C8orf34: variants seen among roughly 807,000 people sequenced by gnomAD.
The protein encoded by C8orf34 is uncharacterized protein C8orf34.
A neutral mutation model predicts 68.3 loss-of-function variants in C8orf34; 65 were observed. The ratio of observed to expected loss-of-function variants is 0.95; its 90% CI spans 0.78 to 1.17. The LOEUF (loss-of-function observed/expected upper bound fraction) is 1.17, where lower values mean the gene tolerates loss of function less well. C8orf34 is among the 50% of genes most tolerant of loss of function. The pLI, the probability that C8orf34 is intolerant of heterozygous loss-of-function variation, is 0.00. For missense variants in C8orf34, 664 were observed against 655.4 expected (o/e 1.01, Z -0.14); for synonymous variants, 244 against 241.2 (o/e 1.01, Z -0.11).
At chr8:68,451,842 G>A (rs1009670801) in intron 3 of C8orf34, among the ~76,000 whole-genome samples, 2 of 151,968 alleles carry the variant, frequency 1.3e-5, no homozygotes, top group African/African-American at 4.8e-5. Flanking sequence ...TGATAGACTT[G>A]TTCAATGCAG....
At chr8:68,407,020 C>A (rs536029401) in intron 1 of C8orf34, among the ~76,000 whole-genome samples, 1 of 152,092 alleles carries the variant, frequency 6.6e-6, no homozygotes, top group Non-Finnish European at 1.5e-5. Flanking sequence ...ATGAGCTACA[C>A]GCATACGATC....
At chr8:68,513,659 T>C (rs904195899) in intron 5 of C8orf34, among the ~76,000 whole-genome samples, 1 of 152,250 alleles carries the variant, frequency 6.6e-6, no homozygotes, top group Non-Finnish European at 1.5e-5. Context: ...TTTATTCTTA[T>C]GCAAGTGGTT....
intron 5 of C8orf34, among the ~76,000 whole-genome samples, chr8:68,501,817 A>G (rs1383967957): frequency 1.3e-5 from 2 of 152,170 alleles, no homozygotes; most frequent in Admixed American, 6.5e-5. Flanking sequence ...GAATATAATC[A>G]TCAATAGGAA....
chr8:68,468,536 A>G (rs182527733), intron 3 of C8orf34, among the ~76,000 whole-genome samples, 156 bp from the exon 4 acceptor site: 12 of 152,132 alleles, frequency 7.9e-5, no homozygotes, highest in Non-Finnish European at 1.5e-5. Context: ...CTGGCTTCAT[A>G]TCTTCCCCTC....
chr8:68,736,263 GT>G (rs1010321227), intron 10 of C8orf34, among the ~76,000 whole-genome samples: 1 of 152,046 alleles, frequency 6.6e-6, no homozygotes, highest in African/African-American at 2.4e-5. Context: ...TCTGTGGCTG[GT>G]TTTCAAAAAT....
intron 7 of C8orf34, among the ~76,000 whole-genome samples, chr8:68,560,625 A>G (rs981137939): frequency 6.6e-6 from 1 of 152,206 alleles, no homozygotes; most frequent in Non-Finnish European, 1.5e-5. Flanking sequence ...ACAACATGTT[A>G]TTCTACTGAA....
chr8:68,815,294 T>G (rs1824775372), intron 12 of C8orf34, among the ~76,000 whole-genome samples: 1 of 152,142 alleles, frequency 6.6e-6, no homozygotes, highest in Admixed American at 6.6e-5. Flanking sequence ...GGAATCACAT[T>G]TAGCCTATAA....
chr8:68,563,088 A>G (rs1392340509), intron 7 of C8orf34, among the ~76,000 whole-genome samples: 1 of 152,094 alleles, frequency 6.6e-6, no homozygotes, highest in African/African-American at 2.4e-5. Context: ...TCCTTATTCT[A>G]CCACCATTAA....
intron 8 of C8orf34, among the ~76,000 whole-genome samples, chr8:68,663,497 G>A (rs1417915943): frequency 2.6e-5 from 4 of 152,206 alleles, no homozygotes; most frequent in Admixed American, 2.6e-4. Context: ...AAATCCAGTG[G>A]AGTCCACCAG....
rs1306059203 is a variant in C8orf34, at chr8:68,331,324, C to A, written c.312C>A (p.Ile104=). ...RIQAYLEKNK[I]GPLFEELMTK... ...AGGCTTACCTGGAGAAGAACAAGAT[C>A]GGTCCCCTGTTTGAGGTAAGGCGCT... The change falls in exon 1 of 14, where the codon ATC becomes ATA. Residue 104 remains isoleucine, a synonymous_variant. Transcript: ENST00000518698. The A allele has an allele frequency of 1.3e-6, 2 of 1,536,478 alleles. No individual in the cohort carries two copies. Among genetic ancestry groups the A allele is most frequent in the Non-Finnish European group, 1.7e-6 (2 of 1,146,998 alleles).
chr8:68,468,307 A>G (rs1402517456), intron 3 of C8orf34, among the ~76,000 whole-genome samples: 1 of 152,092 alleles, frequency 6.6e-6, no homozygotes, highest in Non-Finnish European at 1.5e-5. Context: ...TTAGCCTTCT[A>G]TGAATGTCCT....
chr8:68,595,553 T>C (rs1817523907), intron 7 of C8orf34, among the ~76,000 whole-genome samples: 1 of 152,028 alleles, frequency 6.6e-6, no homozygotes, highest in African/African-American at 2.4e-5. Flanking sequence ...TTCTGGGATG[T>C]GGGGGGAATT....
chr8:68,487,045 A>T (rs1218656234), intron 4 of C8orf34, among the ~76,000 whole-genome samples: 1 of 152,188 alleles, frequency 6.6e-6, no homozygotes, highest in African/African-American at 2.4e-5. Context: ...GAGTGAGTTG[A>T]GGAGGATGAT....
chr8:68,428,399 A>G (rs1810318980), intron 1 of C8orf34, among the ~76,000 whole-genome samples: 1 of 152,110 alleles, frequency 6.6e-6, no homozygotes. Context: ...AGACACAACA[A>G]TAAAAATACA....
At chr8:68,508,858 T>C (rs116537550) in intron 5 of C8orf34, among the ~76,000 whole-genome samples, 1 of 152,108 alleles carries the variant, frequency 6.6e-6, no homozygotes, top group African/African-American at 2.4e-5. Context: ...CAGGGTTTTA[T>C]TGGGTGAAAA....
chr8:68,756,023 C>T (rs1462325979), intron 10 of C8orf34, among the ~76,000 whole-genome samples: 1 of 151,312 alleles, frequency 6.6e-6, no homozygotes, highest in African/African-American at 2.4e-5. Context: ...GCCGAGATTG[C>T]GCCACTGCAC....
At chr8:68,470,078 A>C (rs1461115195) in intron 4 of C8orf34, among the ~76,000 whole-genome samples, 1 of 151,960 alleles carries the variant, frequency 6.6e-6, no homozygotes, top group Admixed American at 6.6e-5. Context: ...TGCCATTAGT[A>C]AAAACCCTCT....
chr8:68,464,282 G>A (rs1471359856), intron 3 of C8orf34, among the ~76,000 whole-genome samples: 1 of 152,080 alleles, frequency 6.6e-6, no homozygotes, highest in Non-Finnish European at 1.5e-5. Context: ...ACAAACCACT[G>A]CTCAATGAAA....
intron 12 of C8orf34, among the ~76,000 whole-genome samples, chr8:68,807,106 T>C (rs967795191): frequency 6.6e-6 from 1 of 152,178 alleles, no homozygotes; most frequent in Non-Finnish European, 1.5e-5. Flanking sequence ...AGCTAGATTA[T>C]AAGAATAAAG....
Sources: allele counts gnomAD v4.1 joint callset (sites outside exome capture counted in the v4.1 genomes callset), GRCh38; gene constraint gnomAD v4.1.1; transcripts MANE v1.5; gene names NCBI Gene and HGNC (gene_info 2026-07-23, HGNC 2026-07-21).